The following BABAM2 variants were observed in gnomAD, a reference collection of about 807,000 sequenced individuals.
The protein encoded by BABAM2 is BRISC and BRCA1 A complex member 2.
Under a neutral mutation model 54.7 loss-of-function variants are expected in BABAM2, and 31 were observed. The observed-to-expected ratio is 0.57, with a 90% CI of 0.43 to 0.77. BABAM2 has a LOEUF of 0.77. Among genes scored for constraint, BABAM2 ranks in the 30% least tolerant of loss-of-function variants. The pLI is 0.00. For synonymous variants in BABAM2, 167 were observed against 162.9 expected (o/e 1.03, Z -0.19); for missense variants, 364 against 455.8 (o/e 0.80, Z 1.83).
chr2:28,145,722 G>A (rs1180129051), intron 7 of BABAM2, among the ~76,000 whole-genome samples: 1 of 152,080 alleles, frequency 6.6e-6, no homozygotes, highest in Non-Finnish European at 1.5e-5. Flanking sequence ...ACCCTTTGCA[G>A]TTACTCCCAG....
At chr2:28,316,599 A>G (rs982641380) in intron 11 of BABAM2, among the ~76,000 whole-genome samples, 3 of 152,120 alleles carry the variant, frequency 2.0e-5, no homozygotes, top group African/African-American at 4.8e-5. Context: ...CCCACAGTCA[A>G]TTGGTAGAAT....
At chr2:28,275,657 T>C (rs1685814904) in intron 10 of BABAM2, among the ~76,000 whole-genome samples, 2 of 152,194 alleles carry the variant, frequency 1.3e-5, no homozygotes, top group African/African-American at 2.4e-5. Flanking sequence ...CATATGCATT[T>C]ATTAGCGTGG....
chr2:28,241,477 A>T, intron 9 of BABAM2, 84 bp downstream of exon 9: 4 of 1,306,288 alleles, frequency 3.1e-6, no homozygotes, highest in Non-Finnish European at 1.1e-6. Flanking sequence ...TTAAGAAAAT[A>T]GCACTTAGTT....
intron 2 of BABAM2, among the ~76,000 whole-genome samples, chr2:27,919,017 A>T (rs978175248): frequency 7.2e-5 from 11 of 152,268 alleles, no homozygotes; most frequent in African/African-American, 2.4e-4. Flanking sequence ...ATCCATGAAC[A>T]TGATATCTCT....
chr2:27,912,567 A>G (rs902397018), intron 2 of BABAM2, among the ~76,000 whole-genome samples: 4 of 149,924 alleles, frequency 2.7e-5, no homozygotes, highest in Admixed American at 2.6e-4. Flanking sequence ...GATTGGAATT[A>G]TAGGTAGATT....
chr2:27,997,581 A>G (rs1673257051), intron 4 of BABAM2, among the ~76,000 whole-genome samples: 1 of 152,224 alleles, frequency 6.6e-6, no homozygotes, highest in South Asian at 2.1e-4. Flanking sequence ...ATATACACAT[A>G]TGCATACACA....
At chr2:28,111,152 AT>A (rs374683605) in intron 6 of BABAM2, among the ~76,000 whole-genome samples, 21 of 109,370 alleles carry the variant, frequency 1.9e-4, no homozygotes, top group Admixed American at 5.6e-4. Flanking sequence ...TTTTTTTTGT[AT>A]TTTTTTTTTA....
At chr2:28,057,534 A>G (rs1179912201) in intron 6 of BABAM2, among the ~76,000 whole-genome samples, 1 of 151,910 alleles carries the variant, frequency 6.6e-6, no homozygotes, top group African/African-American at 2.4e-5. Flanking sequence ...CCTCTATGGT[A>G]GAGTTTTCTT....
At chr2:28,089,089 G>A (rs1468620644) in intron 6 of BABAM2, among the ~76,000 whole-genome samples, 2 of 151,714 alleles carry the variant, frequency 1.3e-5, no homozygotes, top group African/African-American at 4.8e-5. Context: ...TGGTCAAAAC[G>A]TCATTTCATA....
At chr2:28,097,453 A>G (rs1232516005) in intron 6 of BABAM2, among the ~76,000 whole-genome samples, 1 of 152,124 alleles carries the variant, frequency 6.6e-6, no homozygotes, top group African/African-American at 2.4e-5. Flanking sequence ...ATGATCTTTA[A>G]TTACCTTTAT....
At position 27,979,097 on chromosome 2, in the gene BABAM2, G is replaced by A. The variant is rs191808044; in HGVS notation, c.206-8896G>A. 1.7e-3 allele frequency among the ~76,000 whole-genome samples: 252 copies of A among 148,140 alleles called. 1 individual carries two copies. Among genetic ancestry groups the A allele is most frequent in the African/African-American group, 5.8e-3 (233 of 40,064 alleles). On this transcript the variant is annotated intron_variant, in intron 3 of 11. Transcript: ENST00000379624. Reference sequence around the variant, plus strand: ...GGCTGGAGTGCAGCGGCACAATCTCGGCTCACTGCAACCTCCACCCCCTGG... The same window carrying A: ...GGCTGGAGTGCAGCGGCACAATCTCAGCTCACTGCAACCTCCACCCCCTGG...
intron 5 of BABAM2, among the ~76,000 whole-genome samples, chr2:28,026,897 A>T (rs13409929): frequency 4.0e-3 from 82 of 20,518 alleles, no homozygotes; most frequent in Middle Eastern, 0.045. Flanking sequence ...GATATATATA[A>T]ATATATATAA....
intron 11 of BABAM2, among the ~76,000 whole-genome samples, chr2:28,320,559 C>A (rs1295858940): frequency 1.3e-5 from 2 of 152,366 alleles, no homozygotes; most frequent in African/African-American, 4.8e-5. Flanking sequence ...TCTCCAATTT[C>A]ATTACTACTC....
chr2:28,041,750 A>G (rs1411808671), intron 5 of BABAM2, among the ~76,000 whole-genome samples: 5 of 152,048 alleles, frequency 3.3e-5, no homozygotes, highest in African/African-American at 1.2e-4. Flanking sequence ...TCAATTGTTA[A>G]CTTGTCAAAT....
chr2:27,921,445 T>C (rs973817178), intron 2 of BABAM2, among the ~76,000 whole-genome samples: 1 of 152,222 alleles, frequency 6.6e-6, no homozygotes, highest in Non-Finnish European at 1.5e-5. Context: ...TTATGATTTA[T>C]AATTCACTAA....
intron 6 of BABAM2, among the ~76,000 whole-genome samples, chr2:28,122,574 G>A (rs1171222763): frequency 2.0e-5 from 3 of 152,106 alleles, no homozygotes; most frequent in Non-Finnish European, 2.9e-5. Flanking sequence ...GTCCTGTTAC[G>A]TGACCTGTGA....
At chr2:28,006,108 C>CT (rs35186530) in intron 4 of BABAM2, among the ~76,000 whole-genome samples, 2 of 151,518 alleles carry the variant, frequency 1.3e-5, no homozygotes, top group African/African-American at 4.8e-5. Context: ...TTTTTTTCCC[C>CT]TTTTTTGCAA....
At chr2:27,903,596 A>G (rs998271834) in intron 2 of BABAM2, among the ~76,000 whole-genome samples, 2 of 152,184 alleles carry the variant, frequency 1.3e-5, no homozygotes, top group Admixed American at 6.5e-5. Flanking sequence ...ATTAGGGGAT[A>G]TGTTCCAAGA....
intron 6 of BABAM2, among the ~76,000 whole-genome samples, chr2:28,074,396 A>G (rs1047556185): frequency 2.0e-5 from 3 of 152,174 alleles, no homozygotes; most frequent in African/African-American, 4.8e-5. Context: ...AAAAATATCT[A>G]TAGATGTTGC....
Sources: gnomAD v4.1 joint callset for allele counts (sites outside exome capture counted in the v4.1 genomes callset) on GRCh38, gnomAD v4.1.1 for gene constraint, MANE v1.5 for transcripts, NCBI Gene and HGNC (gene_info 2026-07-23, HGNC 2026-07-21) for gene names.